HSF2BP: variants seen among roughly 807,000 people sequenced by gnomAD.
The protein encoded by HSF2BP is heat shock transcription factor 2 binding protein, also known as heat shock factor 2-binding protein.
In HSF2BP, 35 loss-of-function variants were observed where a neutral mutation model predicts 35.0. The ratio of observed to expected loss-of-function variants is 1.00; its 90% CI spans 0.76 to 1.32. HSF2BP has a LOEUF of 1.32. Among genes scored for constraint, HSF2BP ranks in the 40% most tolerant of loss-of-function variants. The pLI is 0.00. For missense variants in HSF2BP, 326 were observed against 321.7 expected (o/e 1.01, Z -0.10); for synonymous variants, 114 against 117.4 (o/e 0.97, Z 0.18).
At chr21:43,468,095 C>CCACACACCACAAACCA in the HSF2BP span, among the ~76,000 whole-genome samples, 8 of 134,768 alleles carry the variant, frequency 5.9e-5, no homozygotes, top group East Asian at 1.3e-3. Context: ...ACACCACATA[C>CCACACACCACAAACCA]CACACACCAC....
At chr21:43,595,808 T>G in intron 7 of HSF2BP, among the ~76,000 whole-genome samples, 1 of 120,566 alleles carries the variant, frequency 8.3e-6, no homozygotes, top group South Asian at 3.0e-4. Flanking sequence ...CACTGCAACC[T>G]CCGCCTCCTG....
intron 7 of HSF2BP, among the ~76,000 whole-genome samples, chr21:43,605,741 T>A (rs1385798521): frequency 6.8e-6 from 1 of 147,230 alleles, no homozygotes; most frequent in African/African-American, 2.6e-5. Context: ...GACACCCACC[T>A]CCCCCCAACA....
At chr21:43,634,596 G>A (rs924503486) in intron 4 of HSF2BP, among the ~76,000 whole-genome samples, 3 of 152,242 alleles carry the variant, frequency 2.0e-5, no homozygotes, top group Admixed American at 2.0e-4. Flanking sequence ...AATCAAAACT[G>A]TTGACCTCAT....
chr21:43,626,548 A>C (rs2082391619), intron 6 of HSF2BP, among the ~76,000 whole-genome samples: 1 of 152,242 alleles, frequency 6.6e-6, no homozygotes, highest in Non-Finnish European at 1.5e-5. Context: ...GGAATGTAGC[A>C]ATCTATAAAC....
chr21:43,654,963 C>T (rs1444348536), intron 3 of HSF2BP, among the ~76,000 whole-genome samples: 1 of 152,174 alleles, frequency 6.6e-6, no homozygotes, highest in Non-Finnish European at 1.5e-5. Context: ...AAAGGTGACT[C>T]TATAGCCTGG....
chr21:43,613,783 TA>T, intron 7 of HSF2BP, 46 bp downstream of exon 7: 3 of 1,274,970 alleles, frequency 2.4e-6, no homozygotes, highest in Non-Finnish European at 3.4e-6. Flanking sequence ...CAGCACAGTC[TA>T]ATTAATATGT....
chr21:43,620,650 G>T (rs943602977), intron 6 of HSF2BP, among the ~76,000 whole-genome samples: 1 of 152,062 alleles, frequency 6.6e-6, no homozygotes, highest in Non-Finnish European at 1.5e-5. Context: ...AGCTAGAATT[G>T]TACCACCAGA....
At chr21:43,596,885 T>C (rs2081993126) in intron 7 of HSF2BP, among the ~76,000 whole-genome samples, 1 of 60,262 alleles carries the variant, frequency 1.7e-5, no homozygotes, top group Non-Finnish European at 2.7e-5. Flanking sequence ...GGACCCTGTC[T>C]CAAAAAAAAA....
chr21:43,573,942 C>CT, intron 8 of HSF2BP, among the ~76,000 whole-genome samples: 1 of 152,216 alleles, frequency 6.6e-6, no homozygotes, highest in African/African-American at 2.4e-5. Context: ...AAGAAGTCAT[C>CT]TTGTCTGCAT....
chr21:43,659,391 C>G lies in HSF2BP; in HGVS notation c.-230G>C, dbSNP rs2082933379. On this transcript the variant is annotated 5_prime_UTR_variant, in exon 1 of 9. Transcript: ENST00000291560. This position sits in a 1 kb window ranked among gnomAD's most constrained non-coding sequence, Gnocchi z 4.2. Reference sequence around the variant, plus strand: ...AAGTCCTAACCCTGGCTAACCTCGCCGTCTACAGCCTGAATTTTGGCAACC... The same window carrying G: ...AAGTCCTAACCCTGGCTAACCTCGCGGTCTACAGCCTGAATTTTGGCAACC... 5.1e-6 allele frequency: 1 copy of G among 194,752 alleles called. No individual in the cohort carries two copies. The highest frequency in any genetic ancestry group is 1.0e-5 in the Non-Finnish European group (1 of 96,212). The allele number at this position is 194,752 out of a possible 1,614,324, so 12.1% of individuals were successfully genotyped here.
intron 8 of HSF2BP, among the ~76,000 whole-genome samples, chr21:43,585,853 G>A (rs1351072725): frequency 1.3e-5 from 2 of 152,178 alleles, no homozygotes; most frequent in African/African-American, 4.8e-5. Flanking sequence ...ATTAGAATTT[G>A]GTGTGAGGGA....
Position 43,613,946 on chromosome 21 carries a change from A to G in HSF2BP, c.576T>C (p.Asn192=), listed in dbSNP as rs202232781. 1.5e-4 allele frequency: 240 copies of G among 1,603,900 alleles called. 1 individual carries two copies. The highest frequency in any genetic ancestry group is 8.3e-4 in the Middle Eastern group (5 of 6,048). Residue 192 remains asparagine, a splice_region_variant and synonymous_variant, in exon 7 of 9, where the codon AAT becomes AAC. Coordinates refer to ENST00000291560, the MANE Select transcript of HSF2BP (RefSeq NM_007031.2). ...CACGACCACATGCTATAGCAGCAAC[A>G]TCTGCAACAGAAAATGAAACAAAAC... The part of the protein sequence containing the change: ...FVFALAGIVT[N]VAAIACGREF...
chr21:43,626,911 A>G (rs2082396997), intron 6 of HSF2BP, among the ~76,000 whole-genome samples: 1 of 151,406 alleles, frequency 6.6e-6, no homozygotes, highest in Non-Finnish European at 1.5e-5. Flanking sequence ...TCTGTCACCC[A>G]GGGTGGAGTG....
At chr21:43,574,364 C>CT (rs113806687) in intron 8 of HSF2BP, among the ~76,000 whole-genome samples, 6,929 of 146,972 alleles carry the variant, frequency 0.047, 459 homozygotes, top group African/African-American at 0.15. Context: ...TTCTTTTTCT[C>CT]TTTTTTTTTT....
At chr21:43,657,047 G>C (rs1454900848) in intron 2 of HSF2BP, among the ~76,000 whole-genome samples, 1 of 152,200 alleles carries the variant, frequency 6.6e-6, no homozygotes, top group East Asian at 1.9e-4. Flanking sequence ...GAGCAACATG[G>C]AGAGACCCTG....
In HSF2BP at chr21:43,593,148, C is replaced by T. The variant is rs2081946839; in HGVS notation, c.693-820G>A. Reference sequence around the variant, plus strand: ...ATGCTACAATTCCAAAAGACTAGAGCTTCAGTTACAGTGGCTTCACGCAGA... The same window carrying T: ...ATGCTACAATTCCAAAAGACTAGAGTTTCAGTTACAGTGGCTTCACGCAGA... On this transcript the variant is annotated intron_variant, in intron 7 of 8. Transcript: ENST00000291560. Among the ~76,000 whole-genome samples the T allele has an allele frequency of 2.0e-5, 3 of 152,124 alleles. No individual in the cohort carries two copies. The South Asian group carries it at 6.2e-4, about 32-fold the overall frequency.
rs2081648101 is a variant in HSF2BP, at chr21:43,576,626, A to G, written c.796+15599T>C. 2.0e-5 allele frequency among the ~76,000 whole-genome samples: 3 copies of G among 152,342 alleles called. No individual in the cohort carries two copies. In the South Asian group the frequency reaches 6.2e-4, roughly 32 times the overall value. On this transcript the variant is annotated intron_variant, in intron 8 of 8. Coordinates refer to ENST00000291560, the MANE Select transcript of HSF2BP (RefSeq NM_007031.2). The stretch of plus-strand genomic sequence containing the variant: ...TGAAAAGCTTGCCTTGGTAACACTA[A>G]GCATTTTAAAGGATGACACAGTTAT...
intron 3 of HSF2BP, among the ~76,000 whole-genome samples, chr21:43,645,260 A>G (rs896857689): frequency 7.2e-5 from 11 of 152,172 alleles, no homozygotes; most frequent in Middle Eastern, 3.2e-3. Context: ...GAATCCCTGG[A>G]GGACTTGATA....
chr21:43,580,754 G>C (rs892709467), intron 8 of HSF2BP, among the ~76,000 whole-genome samples: 1 of 152,146 alleles, frequency 6.6e-6, no homozygotes, highest in Non-Finnish European at 1.5e-5. Flanking sequence ...ATTCTTTGTC[G>C]GTGAAGATCT....
Sources: allele counts gnomAD v4.1 joint callset (sites outside exome capture counted in the v4.1 genomes callset), GRCh38; gene constraint gnomAD v4.1.1; non-coding constraint Gnocchi (gnomAD v3.1); transcripts MANE v1.5; gene names NCBI Gene and HGNC (gene_info 2026-07-23, HGNC 2026-07-21).